ADGRL3: variants seen among roughly 807,000 people sequenced by gnomAD.
The protein encoded by ADGRL3 is adhesion G protein-coupled receptor L3, also known as calcium-independent alpha-latrotoxin receptor 3.
A neutral mutation model predicts 153.5 loss-of-function variants in ADGRL3; 62 were observed. The ratio of observed to expected loss-of-function variants is 0.40; its 90% CI spans 0.33 to 0.50. The LOEUF (loss-of-function observed/expected upper bound fraction) is 0.50. ADGRL3 is among the 20% of genes least tolerant of loss of function. ADGRL3 has a pLI of 0.47. For missense variants in ADGRL3, 1,641 were observed against 1,859.4 expected (o/e 0.88, Z 2.16); for synonymous variants, 710 against 672.5 (o/e 1.06, Z -0.86).
Position 61,432,640 on chromosome 4 carries a change from TTCTTTCTTTCTTTC to T in ADGRL3, c.-174+49453_-174+49466del, listed in dbSNP as rs1482154479. Among the ~76,000 whole-genome samples the T allele has an allele frequency of 4.3e-4, 36 of 83,782 alleles. 5 individuals carry two copies. The highest frequency in any genetic ancestry group is 4.4e-4 in the Non-Finnish European group (18 of 40,890). 55.0% of individuals were successfully genotyped at this position (83,782 alleles called of 152,430 possible). On this transcript the variant is annotated intron_variant, in intron 2 of 26. Coordinates refer to ENST00000683033, the MANE Select transcript of ADGRL3 (RefSeq NM_001387552.1). ...TTTCTTTCTTTCTTTCTTTCTTTCT[TTCTTTCTTTCTTTC>T]TTTTTTTTTTTTTTTTGAGACAGAA... is the stretch of plus-strand genomic sequence containing the variant.
At chr4:61,885,885 C>T (rs767061214) in intron 9 of ADGRL3, among the ~76,000 whole-genome samples, 1 of 152,138 alleles carries the variant, frequency 6.6e-6, no homozygotes, top group Non-Finnish European at 1.5e-5. Flanking sequence ...ATATGTAAAA[C>T]ATTCAGGACA....
Position 62,050,384 on chromosome 4 carries a change from C to T in ADGRL3, c.3814+5835C>T, listed in dbSNP as rs141966453. Among the ~76,000 whole-genome samples, 664 of 152,150 alleles carry T rather than the reference C, an allele frequency of 4.4e-3. 3 individuals carry two copies. The highest frequency in any genetic ancestry group is 0.015 in the African/African-American group (620 of 41,544). ...CCTCTCCCTTCAGAAGCTTAGAGAA[C>T]ACTATTCCAATTCAGACAGCTCTTC... is the stretch of plus-strand genomic sequence containing the variant. On this transcript the variant is annotated intron_variant, in intron 25 of 26. Coordinates refer to ENST00000683033, the MANE Select transcript of ADGRL3 (RefSeq NM_001387552.1).
intron 4 of ADGRL3, among the ~76,000 whole-genome samples, chr4:61,523,944 A>G (rs2098545528): frequency 6.6e-6 from 1 of 152,094 alleles, no homozygotes; most frequent in South Asian, 2.1e-4. Context: ...AAACTTTGAC[A>G]CTTAGTGCTC....
At chr4:61,728,972 A>G (rs2096394618) in intron 6 of ADGRL3, among the ~76,000 whole-genome samples, 1 of 151,976 alleles carries the variant, frequency 6.6e-6, no homozygotes, top group African/African-American at 2.4e-5. Flanking sequence ...TTACTCAATA[A>G]AGATTGAGGA....
At chr4:61,870,768 C>G (rs1267489132) in intron 9 of ADGRL3, among the ~76,000 whole-genome samples, 6 of 152,108 alleles carry the variant, frequency 3.9e-5, no homozygotes, top group Non-Finnish European at 5.9e-5. Context: ...ACTAGATGAC[C>G]TGTAATCAAA....
At chr4:61,342,989 G>A (rs1390942212) in intron 1 of ADGRL3, among the ~76,000 whole-genome samples, 2 of 152,138 alleles carry the variant, frequency 1.3e-5, no homozygotes, top group Admixed American at 6.5e-5. Flanking sequence ...GTCTCACATG[G>A]CAGCAGACAA....
At chr4:61,271,623 A>C (rs994265194) in intron 1 of ADGRL3, among the ~76,000 whole-genome samples, 2 of 152,054 alleles carry the variant, frequency 1.3e-5, no homozygotes, top group African/African-American at 4.8e-5. Context: ...CCTAGAACTT[A>C]CTAGTTTATG....
intron 5 of ADGRL3, among the ~76,000 whole-genome samples, chr4:61,672,957 T>G (rs924022661): frequency 6.6e-6 from 1 of 151,924 alleles, no homozygotes; most frequent in Non-Finnish European, 1.5e-5. Flanking sequence ...AGATAAAAAG[T>G]AAATGTGGTA....
At chr4:62,037,968 G>C in intron 24 of ADGRL3, 112 bp downstream of exon 24, 1 of 1,126,828 alleles carries the variant, frequency 8.9e-7, no homozygotes. Context: ...TGTTTTTGTT[G>C]TTTCACTGTG....
rs2096339461 is a variant in ADGRL3, at chr4:61,726,210, G to GTTTTTTGTTTTTTTTTTTTTTTT, written c.584-4405_584-4404insTTTTTTTTTTTTTTTTTTTTTTG. Among the ~76,000 whole-genome samples, 79 of 118,516 alleles carry GTTTTTTGTTTTTTTTTTTTTTTT rather than the reference G, an allele frequency of 6.7e-4. 4 individuals are homozygous for GTTTTTTGTTTTTTTTTTTTTTTT. Among genetic ancestry groups the GTTTTTTGTTTTTTTTTTTTTTTT allele is most frequent in the African/African-American group, 1.9e-3 (59 of 31,742 alleles). The allele number at this position is 118,516 out of a possible 152,430, so 77.8% of individuals were successfully genotyped here. ...AATACTCACTGGAACTTTTTTTTTT[G>GTTTTTTGTTTTTTTTTTTTTTTT]TTTTTTGAGAAGGAGTCTCACCCTG... On this transcript the variant is annotated intron_variant, in intron 6 of 26. Coordinates refer to ENST00000683033, the MANE Select transcript of ADGRL3 (RefSeq NM_001387552.1).
At chr4:62,045,719 T>A (rs1582041029) in intron 25 of ADGRL3, among the ~76,000 whole-genome samples, 1 of 151,960 alleles carries the variant, frequency 6.6e-6, no homozygotes, top group South Asian at 2.1e-4. Context: ...GGGGCAACAA[T>A]ATAGTAACTA....
intron 5 of ADGRL3, among the ~76,000 whole-genome samples, chr4:61,647,972 C>T (rs1437323759): frequency 1.3e-5 from 2 of 152,124 alleles, no homozygotes; most frequent in Admixed American, 1.3e-4. Flanking sequence ...TTTTCCTATT[C>T]TGTGGGAAGA....
At chr4:62,021,529 T>C (rs1026523639) in intron 21 of ADGRL3, among the ~76,000 whole-genome samples, 1 of 152,170 alleles carries the variant, frequency 6.6e-6, no homozygotes, top group Non-Finnish European at 1.5e-5. Context: ...CCTCATTTTA[T>C]TGTGCTTCTC....
At chr4:61,876,540 C>T (rs554745599) in intron 9 of ADGRL3, among the ~76,000 whole-genome samples, 41 of 152,146 alleles carry the variant, frequency 2.7e-4, no homozygotes, top group African/African-American at 9.9e-4. Context: ...GACAATTTCA[C>T]TCTACTTTTT....
chr4:61,454,997 G>A (rs1000170651), intron 2 of ADGRL3, among the ~76,000 whole-genome samples: 4 of 152,188 alleles, frequency 2.6e-5, no homozygotes, highest in African/African-American at 9.6e-5. Flanking sequence ...GTGGCCAGTA[G>A]TACATTTTTC....
chr4:61,315,920 G>A (rs934708579), intron 1 of ADGRL3, among the ~76,000 whole-genome samples: 3 of 152,014 alleles, frequency 2.0e-5, no homozygotes, highest in African/African-American at 4.8e-5. Flanking sequence ...AGTATCATAC[G>A]TTCTCTTTCA....
intron 2 of ADGRL3, among the ~76,000 whole-genome samples, chr4:61,452,714 T>A (rs747078101): frequency 6.6e-6 from 1 of 152,192 alleles, no homozygotes; most frequent in African/African-American, 2.4e-5. Flanking sequence ...ATATAATATG[T>A]CTGCAATCTG....
rs542014490 is a variant in ADGRL3, at chr4:61,722,272, T to G, written c.584-8350T>G. Among the ~76,000 whole-genome samples, 4 of 152,324 alleles carry G rather than the reference T, an allele frequency of 2.6e-5. No individual in the cohort carries two copies. In the South Asian group the frequency reaches 8.3e-4, roughly 32 times the overall value. ...TCAAGTTAGTTTATTTCTGATAGAA[T>G]TATAACTATTGTCTCTACCAGAGCT... On this transcript the variant is annotated intron_variant, in intron 6 of 26. Transcript: ENST00000683033.
At chr4:62,065,361 A>G (rs559710815) in intron 25 of ADGRL3, among the ~76,000 whole-genome samples, 1 of 152,180 alleles carries the variant, frequency 6.6e-6, no homozygotes, top group South Asian at 2.1e-4. Context: ...ATTTCATTGT[A>G]GCACTCAATG....
Sources: allele counts gnomAD v4.1 joint callset (sites outside exome capture counted in the v4.1 genomes callset), GRCh38; gene constraint gnomAD v4.1.1; transcripts MANE v1.5; gene names NCBI Gene and HGNC (gene_info 2026-07-23, HGNC 2026-07-21).